UBOX5: variants seen among roughly 807,000 people sequenced by gnomAD.
UBOX5 encodes the protein U-box domain containing 5, also known as RING finger protein 37.
Under a neutral mutation model 39.0 loss-of-function variants are expected in UBOX5, and 28 were observed. The observed-to-expected ratio is 0.72, with a 90% confidence interval of 0.53 to 0.98. The LOEUF is 0.98. UBOX5 is among the 50% of genes least tolerant of loss of function. The probability of loss-of-function intolerance (pLI) is 0.00; values close to 1 mark genes in which losing one functional copy is unlikely to be tolerated. For synonymous variants in UBOX5, 283 were observed against 275.5 expected (o/e 1.03, Z -0.27); for missense variants, 585 against 674.4 (o/e 0.87, Z 1.47).
chr20:3,154,751 A>G (rs1335412500), intron 1 of UBOX5, among the ~76,000 whole-genome samples: 3 of 152,220 alleles, frequency 2.0e-5, no homozygotes, highest in Non-Finnish European at 4.4e-5. Flanking sequence ...GAATAATACT[A>G]ACATAATTTT....
rs2066472608 is a variant in UBOX5, at chr20:3,136,389, T to C, written c.-41-12983A>G. On this transcript the variant is annotated intron_variant, in intron 1 of 4. Coordinates refer to ENST00000217173, the MANE Select transcript of UBOX5 (RefSeq NM_014948.4). ...TTTTTTTTGAGACAGAGTCTCTCTC[T>C]GTCACCTAGGCTGGAGTGCAGTGGC... Among the ~76,000 whole-genome samples the C allele has an allele frequency of 3.9e-5, 6 of 152,298 alleles. No homozygotes were observed. The South Asian group carries it at 1.0e-3, about 26-fold the overall frequency.
intron 1 of UBOX5, among the ~76,000 whole-genome samples, chr20:3,124,502 A>T (rs2066362776): frequency 6.7e-6 from 1 of 149,852 alleles, no homozygotes; most frequent in Non-Finnish European, 1.5e-5. Flanking sequence ...GCCTGCCTTG[A>T]CCTCCCAAAG....
At chr20:3,134,994 G>A (rs1429571911) in intron 1 of UBOX5, among the ~76,000 whole-genome samples, 1 of 152,106 alleles carries the variant, frequency 6.6e-6, no homozygotes, top group Non-Finnish European at 1.5e-5. Flanking sequence ...ATGGGTTAAA[G>A]AAAAGAAATA....
chr20:3,120,187 A>C (rs1188124232), intron 3 of UBOX5, among the ~76,000 whole-genome samples: 3 of 151,876 alleles, frequency 2.0e-5, no homozygotes, highest in Admixed American at 1.3e-4. Context: ...TCTCTACTAA[A>C]AATACAAAAA....
At chr20:3,153,636 T>C (rs766821801) in intron 1 of UBOX5, among the ~76,000 whole-genome samples, 11 of 152,194 alleles carry the variant, frequency 7.2e-5, no homozygotes, top group Non-Finnish European at 1.0e-4. Context: ...GAACAATCTA[T>C]GGTCTTCTAG....
Position 3,148,610 on chromosome 20 carries a change from T to C in UBOX5, c.-42+11156A>G, listed in dbSNP as rs564432413. The C allele has an allele frequency of 3.8e-5, 61 of 1,614,190 alleles. No individual in the cohort carries two copies. In the South Asian group the frequency reaches 6.1e-4, roughly 16 times the overall value. ...GACTTGAGCCTGGAGATTATTTTGA[T>C]TAACTCTGACTTTGTGCAAAATTAG... On this transcript the variant is annotated intron_variant, in intron 1 of 4. Transcript: ENST00000217173.
chr20:3,110,592 C>T, intron 4 of UBOX5: 1 of 472,046 alleles, frequency 2.1e-6, no homozygotes, highest in Non-Finnish European at 3.9e-6. Flanking sequence ...TGGGCCCTTC[C>T]TCCTGGTCTC....
intron 1 of UBOX5, chr20:3,147,019 C>T (rs1167407956): frequency 1.2e-6 from 2 of 1,614,084 alleles, no homozygotes; most frequent in Non-Finnish European, 1.7e-6. Flanking sequence ...CTGCGGGGCA[C>T]AGGCCAGCCA....
At chr20:3,116,000 C>G (rs1378985181) in intron 3 of UBOX5, among the ~76,000 whole-genome samples, 1 of 152,134 alleles carries the variant, frequency 6.6e-6, no homozygotes, top group Non-Finnish European at 1.5e-5. Context: ...CGTGATCCAC[C>G]TGCCTCAGCC....
Position 3,109,526 on chromosome 20 carries a change from C to T in UBOX5, c.*580G>A, listed in dbSNP as rs895787875. ...AAGCTGCAGTGACTGCACACAGCTA[C>T]CCTGTGAGCTCCACTTGTGTGGGTG... On this transcript the variant is annotated 3_prime_UTR_variant, in exon 5 of 5. Coordinates refer to ENST00000217173, the MANE Select transcript of UBOX5 (RefSeq NM_014948.4). The T allele has an allele frequency of 3.1e-5, 5 of 161,424 alleles. No individual in the cohort carries two copies. The highest frequency in any genetic ancestry group is 6.9e-5 in the Non-Finnish European group (5 of 72,704). The allele number at this position is 161,424 out of a possible 1,614,324, so 10.0% of individuals were successfully genotyped here. A position where few individuals can be genotyped will look rare whatever the true frequency, so the allele number is the denominator to read the frequency against.
chr20:3,148,862 G>A (rs1296302014), intron 1 of UBOX5: 2 of 1,614,090 alleles, frequency 1.2e-6, no homozygotes, highest in Non-Finnish European at 1.7e-6. Context: ...ACTGCTGGTT[G>A]TCAGGATTCT....
rs2148594174 is a variant in UBOX5, at chr20:3,121,504, C to T, written c.1135G>A (p.Val379Ile). The T allele has an allele frequency of 4.3e-6, 7 of 1,614,036 alleles. No homozygotes were observed. Among genetic ancestry groups the T allele is most frequent in the African/African-American group, 1.3e-5 (1 of 75,000 alleles). The change falls in exon 3 of 5, where the codon GTA becomes ATA. Residue 379 changes from valine to isoleucine, a missense_variant. Physicochemically the swap from Val to Ile is conservative, Grantham distance 29. Transcript: ENST00000217173. The stretch of plus-strand genomic sequence containing the variant: ...GTGGCAGAAAAACAGGAAGCATTTA[C>T]ACCAAAGTTACTGTCTGGGACATGT... ...AEHVPDSNFGVNASCFSATSP... is the reference protein window; with the variant it reads ...AEHVPDSNFGINASCFSATSP...
chr20:3,122,073 T>C lies in UBOX5; in HGVS notation c.566A>G (p.Lys189Arg), dbSNP rs762582058. ...HVTGGGIPCI[K>R]RLEVWGQPAK... Reference sequence around the variant, plus strand: ...CGGCTGACCCCACACTTCCAACCGCTTGATACAAGGGATACCGCCGCCTGT... The same window carrying C: ...CGGCTGACCCCACACTTCCAACCGCCTGATACAAGGGATACCGCCGCCTGT... The change falls in exon 3 of 5, where the codon AAG becomes AGG. Residue 189 changes from lysine to arginine, a missense_variant. Physicochemically the swap from Lys to Arg is conservative, Grantham distance 26. Transcript: ENST00000217173. 6.2e-7 allele frequency: 1 copy of C among 1,614,222 alleles called. No homozygotes were observed. The highest frequency in any genetic ancestry group is 1.1e-5 in the South Asian group (1 of 91,082).
At chr20:3,146,815 C>A in intron 1 of UBOX5, 1 of 1,614,074 alleles carries the variant, frequency 6.2e-7, no homozygotes, top group Non-Finnish European at 8.5e-7. Context: ...GAAGAAACGC[C>A]AACTTTTCTA....
intron 1 of UBOX5, among the ~76,000 whole-genome samples, chr20:3,127,793 G>A (rs551465962): frequency 6.6e-6 from 1 of 152,048 alleles, no homozygotes; most frequent in Non-Finnish European, 1.5e-5. Flanking sequence ...GTGTGTTGGT[G>A]GGGGGAGGGT....
rs1234175184 is a variant in UBOX5 at position 3,149,809 on chromosome 20, G to C, written c.-42+9957C>G. Among the ~76,000 whole-genome samples the C allele has an allele frequency of 1.3e-5, 2 of 152,138 alleles. No homozygotes were observed. The highest frequency in any genetic ancestry group is 2.9e-5 in the Non-Finnish European group (2 of 68,032). ...GAGGCAGGCAGATCACTTGAGGTCA[G>C]GAGTTCAAGACCAGCCTGGCCAACA... On this transcript the variant is annotated intron_variant, in intron 1 of 4. Transcript: ENST00000217173. The surrounding 1 kb of genome is among the most constrained non-coding windows in gnomAD (Gnocchi z 4.1).
chr20:3,132,292 AGAGT>A (rs2066435561), intron 1 of UBOX5, among the ~76,000 whole-genome samples: 1 of 151,054 alleles, frequency 6.6e-6, no homozygotes, highest in East Asian at 1.9e-4. Context: ...CCTGGACAAC[AGAGT>A]GAGACCCTGT....
chr20:3,140,862 C>G (rs1220118952), intron 1 of UBOX5, among the ~76,000 whole-genome samples: 1 of 150,962 alleles, frequency 6.6e-6, no homozygotes, highest in African/African-American at 2.4e-5. Context: ...TCAACCTTTG[C>G]TGCCCCCTCT....
chr20:3,125,400 G>A (rs189540577), intron 1 of UBOX5, among the ~76,000 whole-genome samples: 1,989 of 133,934 alleles, frequency 0.015, 37 homozygotes, highest in African/African-American at 0.055. Flanking sequence ...GGTGAGGAGC[G>A]CCTCTGCCCG....
Sources: allele counts gnomAD v4.1 joint callset (sites outside exome capture counted in the v4.1 genomes callset), GRCh38; gene constraint gnomAD v4.1.1; non-coding constraint Gnocchi (gnomAD v3.1); transcripts MANE v1.5; gene names NCBI Gene and HGNC (gene_info 2026-07-23, HGNC 2026-07-21).